LURAP1L: variants seen among roughly 807,000 people sequenced by gnomAD.
LURAP1L encodes the protein leucine rich adaptor protein 1 like.
In LURAP1L, 12 loss-of-function variants were observed where a neutral mutation model predicts 13.8. The ratio of observed to expected loss-of-function variants is 0.87; its 90% CI spans 0.56 to 1.41. LURAP1L has a LOEUF of 1.41. Ranked by LOEUF, LURAP1L falls within the 40% of genes most tolerant of loss-of-function variation. LURAP1L has a pLI of 0.00. For missense variants in LURAP1L, 375 were observed against 292.9 expected (o/e 1.28, Z -2.04); for synonymous variants, 139 against 119.2 (o/e 1.17, Z -1.08).
At chr9:12,790,094 A>G (rs1479312352) in intron 1 of LURAP1L, among the ~76,000 whole-genome samples, 2 of 152,200 alleles carry the variant, frequency 1.3e-5, no homozygotes, top group Non-Finnish European at 2.9e-5. Flanking sequence ...ATCTTTCTGC[A>G]GTTAAGTCAT....
At chr9:12,819,256 C>T (rs1819842795) in intron 1 of LURAP1L, among the ~76,000 whole-genome samples, 2 of 152,144 alleles carry the variant, frequency 1.3e-5, no homozygotes, top group African/African-American at 2.4e-5. Flanking sequence ...ACTCAAGTCA[C>T]TTCAGTATTC....
At chr9:12,816,810 C>T (rs1345064408) in intron 1 of LURAP1L, among the ~76,000 whole-genome samples, 1 of 152,140 alleles carries the variant, frequency 6.6e-6, no homozygotes, top group African/African-American at 2.4e-5. Flanking sequence ...ATGACATAAA[C>T]TGTAAGGACC....
chr9:12,821,906 T>A lies in LURAP1L; in HGVS notation c.*146T>A. The A allele has an allele frequency of 1.1e-6, 1 of 871,184 alleles. No individual in the cohort carries two copies. Among genetic ancestry groups the A allele is most frequent in the Non-Finnish European group, 1.8e-6 (1 of 566,706 alleles). 54.0% of individuals were successfully genotyped at this position (871,184 alleles called of 1,614,324 possible). A position where few individuals can be genotyped will look rare whatever the true frequency, so the allele number is the denominator to read the frequency against. ...TGAAACTGCTTAATGGTATTGCTGT[T>A]GCTCCTAATACTTCTCATCTGAGCT... On this transcript the variant is annotated 3_prime_UTR_variant, in exon 2 of 2. Coordinates refer to ENST00000319264, the MANE Select transcript of LURAP1L (RefSeq NM_203403.2).
chr9:12,775,051 G>A lies in LURAP1L; in HGVS notation c.-665G>A, dbSNP rs1819145994. The A allele has an allele frequency of 6.6e-6, 1 of 152,182 alleles. No individual in the cohort carries two copies. The highest frequency in any genetic ancestry group is 1.5e-5 in the Non-Finnish European group (1 of 68,068). The allele number at this position is 152,182 out of a possible 1,614,324, so 9.4% of individuals were successfully genotyped here. Reference sequence around the variant, plus strand: ...TTGGATCAAACAGCCTAAATGGGAAGAAGGACATTTTTGCTGCATCAAGGA... The same window carrying A: ...TTGGATCAAACAGCCTAAATGGGAAAAAGGACATTTTTGCTGCATCAAGGA... On this transcript the variant is annotated 5_prime_UTR_variant, in exon 1 of 2. Coordinates refer to ENST00000319264, the MANE Select transcript of LURAP1L (RefSeq NM_203403.2).
intron 1 of LURAP1L, among the ~76,000 whole-genome samples, chr9:12,778,012 T>C (rs1819215837): frequency 2.0e-5 from 3 of 152,332 alleles, no homozygotes; most frequent in Middle Eastern, 6.8e-3. Context: ...AAGACTTTAC[T>C]TTTTTGAGAC....
intron 1 of LURAP1L, among the ~76,000 whole-genome samples, chr9:12,803,993 G>C (rs1306124700): frequency 6.6e-6 from 1 of 152,110 alleles, no homozygotes. Context: ...TAAAAATAAA[G>C]AGCAAATCTA....
chr9:12,801,062 A>C (rs1230671632), intron 1 of LURAP1L, among the ~76,000 whole-genome samples: 1 of 152,208 alleles, frequency 6.6e-6, no homozygotes, highest in Non-Finnish European at 1.5e-5. Context: ...TAGGTATAAA[A>C]GCAATTGAAA....
chr9:12,793,939 G>C (rs183651443), intron 1 of LURAP1L, among the ~76,000 whole-genome samples: 63 of 152,118 alleles, frequency 4.1e-4, no homozygotes, highest in Non-Finnish European at 8.5e-4. Flanking sequence ...AATGGATGCC[G>C]CTTTCTGTGT....
intron 1 of LURAP1L, 27 bp downstream of exon 1, chr9:12,776,054 G>C: frequency 3.1e-6 from 5 of 1,609,590 alleles, no homozygotes; most frequent in Non-Finnish European, 3.4e-6. Flanking sequence ...AGCCGCGGGG[G>C]CTGGGACCTG....
chr9:12,808,371 C>A (rs1819689842), intron 1 of LURAP1L, among the ~76,000 whole-genome samples: 1 of 151,964 alleles, frequency 6.6e-6, no homozygotes, highest in Non-Finnish European at 1.5e-5. Flanking sequence ...CTATTTTAAC[C>A]ACTTTTAAGT....
At chr9:12,791,771 C>A (rs1335392041) in intron 1 of LURAP1L, among the ~76,000 whole-genome samples, 1 of 151,672 alleles carries the variant, frequency 6.6e-6, no homozygotes, top group Admixed American at 6.6e-5. Context: ...TATCACTGTT[C>A]CTCAAAATAA....
At chr9:12,814,622 T>A in intron 1 of LURAP1L, among the ~76,000 whole-genome samples, 2 of 152,152 alleles carry the variant, frequency 1.3e-5, no homozygotes, top group East Asian at 3.9e-4. Flanking sequence ...ACTGTACAGA[T>A]CTCACGAGCA....
intron 1 of LURAP1L, among the ~76,000 whole-genome samples, chr9:12,799,710 C>G (rs978799435): frequency 6.6e-5 from 10 of 151,966 alleles, no homozygotes; most frequent in Non-Finnish European, 1.5e-4. Flanking sequence ...GAAACCTCAT[C>G]TCTACTAAAA....
At chr9:12,800,158 G>T (rs527710903) in intron 1 of LURAP1L, among the ~76,000 whole-genome samples, 1 of 152,186 alleles carries the variant, frequency 6.6e-6, no homozygotes, top group Non-Finnish European at 1.5e-5. Context: ...CTGCAACTTT[G>T]TACCCTTTGA....
At chr9:12,787,337 TA>T (rs1819371126) in intron 1 of LURAP1L, among the ~76,000 whole-genome samples, 1 of 152,162 alleles carries the variant, frequency 6.6e-6, no homozygotes, top group Non-Finnish European at 1.5e-5. Context: ...TAGGTATATA[TA>T]TATGTATATG....
At chr9:12,790,132 T>G (rs1819420083) in intron 1 of LURAP1L, among the ~76,000 whole-genome samples, 1 of 152,172 alleles carries the variant, frequency 6.6e-6, no homozygotes, top group East Asian at 1.9e-4. Context: ...TTTTTAAGTC[T>G]CTGGGGCTAA....
At chr9:12,814,595 A>G (rs1819780098) in intron 1 of LURAP1L, among the ~76,000 whole-genome samples, 1 of 152,166 alleles carries the variant, frequency 6.6e-6, no homozygotes, top group African/African-American at 2.4e-5. Context: ...TGGCAATCAG[A>G]TGACTCACCA....
chr9:12,788,121 T>TGAAG (rs1351148889), intron 1 of LURAP1L, among the ~76,000 whole-genome samples: 1 of 50,436 alleles, frequency 2.0e-5, no homozygotes, highest in African/African-American at 8.8e-5. Flanking sequence ...AAAGAAAGAA[T>TGAAG]GAAGGAAGGA....
intron 1 of LURAP1L, among the ~76,000 whole-genome samples, chr9:12,783,988 T>C (rs938162275): frequency 6.6e-6 from 1 of 152,178 alleles, no homozygotes; most frequent in Admixed American, 6.5e-5. Flanking sequence ...CTTCAGTATG[T>C]CAATTCAATT....
Sources: gnomAD v4.1 joint callset for allele counts (sites outside exome capture counted in the v4.1 genomes callset) on GRCh38, gnomAD v4.1.1 for gene constraint, MANE v1.5 for transcripts, NCBI Gene and HGNC (gene_info 2026-07-23, HGNC 2026-07-21) for gene names.